Variants in RASA1 observed in about 807,000 individuals in gnomAD.
RASA1 encodes ras GTPase-activating protein 1.
RASA1 carries 25 observed loss-of-function variants against 132.2 expected under a neutral mutation model. That is an observed-to-expected ratio of 0.19 (90% confidence interval 0.14 to 0.26). The LOEUF (loss-of-function observed/expected upper bound fraction) is 0.26, where lower values mean the gene tolerates loss of function less well. Ranked by LOEUF, RASA1 falls within the 10% of genes least tolerant of loss-of-function variation. The pLI, the probability that RASA1 is intolerant of heterozygous loss-of-function variation, is 1.00. For synonymous variants in RASA1, 477 were observed against 449.9 expected (o/e 1.06, Z -0.76); for missense variants, 964 against 1,299.2 (o/e 0.74, Z 3.97).
chr5:87,336,790 T>C (rs1393695224), intron 4 of RASA1, among the ~76,000 whole-genome samples: 1 of 152,112 alleles, frequency 6.6e-6, no homozygotes, highest in Non-Finnish European at 1.5e-5. Context: ...AGGAATAGTT[T>C]AATTGGTTAA....
chr5:87,358,201 C>A (rs1422010254), intron 9 of RASA1, among the ~76,000 whole-genome samples: 2 of 152,172 alleles, frequency 1.3e-5, no homozygotes, highest in East Asian at 3.9e-4. Flanking sequence ...GCTTTGCTTA[C>A]TTCCTGGAAC....
intron 16 of RASA1, 90 bp downstream of exon 16, chr5:87,376,655 T>A (rs1278397721): frequency 7.5e-6 from 11 of 1,468,374 alleles, no homozygotes; most frequent in African/African-American, 7.1e-5. Context: ...AACATAGTAA[T>A]TCATAGCTTA....
intron 1 of RASA1, among the ~76,000 whole-genome samples, chr5:87,296,355 A>G (rs1280330022): frequency 1.3e-5 from 2 of 152,108 alleles, no homozygotes; most frequent in East Asian, 3.9e-4. Flanking sequence ...TTGAACTGTT[A>G]CCTTTTAGCT....
chr5:87,316,108 G>C (rs1271029793), intron 1 of RASA1, among the ~76,000 whole-genome samples: 1 of 152,136 alleles, frequency 6.6e-6, no homozygotes, highest in East Asian at 1.9e-4. Context: ...TTTTGTGCTA[G>C]AATGCTCTGA....
intron 5 of RASA1, among the ~76,000 whole-genome samples, chr5:87,338,536 A>ATATATATATATTTTT: frequency 2.3e-4 from 20 of 85,220 alleles, no homozygotes; most frequent in East Asian, 1.5e-3. Context: ...TATATATAAA[A>ATATATATATATTTTT]TTTTTTTTTT....
chr5:87,359,080 C>T (rs1759875779), intron 9 of RASA1, among the ~76,000 whole-genome samples: 1 of 152,110 alleles, frequency 6.6e-6, no homozygotes, highest in Admixed American at 6.6e-5. Context: ...AATACAAGTT[C>T]CATGAGGATA....
chr5:87,361,133 T>C (rs762880237), intron 9 of RASA1, among the ~76,000 whole-genome samples: 1 of 152,198 alleles, frequency 6.6e-6, no homozygotes, highest in Non-Finnish European at 1.5e-5. Context: ...TTGCAGTTCA[T>C]TTAGTGTGTC....
At chr5:87,356,026 G>T (rs1350881505) in intron 9 of RASA1, among the ~76,000 whole-genome samples, 1 of 152,158 alleles carries the variant, frequency 6.6e-6, no homozygotes, top group East Asian at 1.9e-4. Context: ...AAAGAAAGTG[G>T]TCTCTTGAGA....
At chr5:87,362,753 A>G in intron 10 of RASA1, 82 bp downstream of exon 10, 1 of 1,493,382 alleles carries the variant, frequency 6.7e-7, no homozygotes. Flanking sequence ...ATATATATTT[A>G]ATAAGTTTTG....
intron 1 of RASA1, among the ~76,000 whole-genome samples, chr5:87,320,812 G>A (rs996206002): frequency 2.0e-5 from 3 of 152,236 alleles, no homozygotes; most frequent in Non-Finnish European, 4.4e-5. Context: ...ACTCAACATA[G>A]TGTTTTGACA....
chr5:87,327,526 T>C (rs942202347), intron 1 of RASA1, among the ~76,000 whole-genome samples: 1 of 152,214 alleles, frequency 6.6e-6, no homozygotes, highest in African/African-American at 2.4e-5. Context: ...GGCATTGCCA[T>C]AGATTGGAGG....
At chr5:87,270,070 T>C (rs1753756307) in intron 1 of RASA1, among the ~76,000 whole-genome samples, 2 of 151,748 alleles carry the variant, frequency 1.3e-5, no homozygotes, top group African/African-American at 4.8e-5. Flanking sequence ...GGTGAAACCC[T>C]GTCTCTACTA....
chr5:87,369,767 C>G (rs757576539), intron 11 of RASA1, 46 bp from the exon 12 acceptor site: 1 of 1,356,598 alleles, frequency 7.4e-7, no homozygotes, highest in Non-Finnish European at 1.0e-6. Flanking sequence ...AAATATTTTG[C>G]TACTTTTTAT....
At position 87,390,992 on chromosome 5, in the gene RASA1, T is replaced by A. The variant is rs1342924575; in HGVS notation, c.*109T>A. 4.6e-6 allele frequency: 5 copies of A among 1,090,306 alleles called. No homozygotes were observed. Among genetic ancestry groups the A allele is most frequent in the Non-Finnish European group, 7.0e-6 (5 of 717,162 alleles). 67.5% of individuals were successfully genotyped at this position (1,090,306 alleles called of 1,614,324 possible). A position where few individuals can be genotyped will look rare whatever the true frequency, so the allele number is the denominator to read the frequency against. ...CAAAAAATAGCACACTTTTCCACAT[T>A]CCAGTGATGTGTGAGCTATGCAAAC... On this transcript the variant is annotated 3_prime_UTR_variant, in exon 25 of 25. Transcript: ENST00000274376.
In RASA1 at chr5:87,378,423, C is replaced by G; in HGVS notation, c.2372C>G (p.Thr791Arg). Reference protein sequence around the residue: ...EDEATTLFRATTLASTLMEQY... With the variant: ...EDEATTLFRARTLASTLMEQY... Reference sequence around the variant, plus strand: ...GAAGCCACTACCCTATTTCGAGCCACAACACTTGCAAGCACCTTGATGGAG... The same window carrying G: ...GAAGCCACTACCCTATTTCGAGCCAGAACACTTGCAAGCACCTTGATGGAG... Residue 791 changes from threonine to arginine, a missense_variant, in exon 18 of 25, where the codon ACA (threonine) becomes AGA (arginine). By Grantham distance (71) the Thr-to-Arg change is moderately conservative. Coordinates refer to ENST00000274376, the MANE Select transcript of RASA1 (RefSeq NM_002890.3). 1 of 1,612,838 alleles carries G rather than the reference C, an allele frequency of 6.2e-7. No homozygotes were observed. Among genetic ancestry groups the G allele is most frequent in the Non-Finnish European group, 8.5e-7 (1 of 1,179,180 alleles).
chr5:87,356,380 GTTA>G (rs1759650539), intron 9 of RASA1, among the ~76,000 whole-genome samples: 1 of 148,538 alleles, frequency 6.7e-6, no homozygotes, highest in Non-Finnish European at 1.5e-5. Context: ...CTAGATGATT[GTTA>G]TTTTTTTTTT....
At chr5:87,332,360 G>C in intron 2 of RASA1, 147 bp from the exon 3 acceptor site, 1 of 760,064 alleles carries the variant, frequency 1.3e-6, no homozygotes, top group Non-Finnish European at 2.1e-6. Flanking sequence ...CTGTGATGAA[G>C]ATACTAATAA....
At chr5:87,370,974 A>G (rs772181955) in intron 12 of RASA1, among the ~76,000 whole-genome samples, 44 of 152,286 alleles carry the variant, frequency 2.9e-4, no homozygotes, top group Middle Eastern at 3.4e-3. Flanking sequence ...TTTTACGGCT[A>G]TGTATCCCTA....
intron 11 of RASA1, among the ~76,000 whole-genome samples, chr5:87,367,453 T>G (rs2923742): frequency 6.6e-6 from 1 of 152,146 alleles, no homozygotes; most frequent in Non-Finnish European, 1.5e-5. Flanking sequence ...AGTAGGTGAT[T>G]AGTGCGCATG....
Sources: allele counts gnomAD v4.1 joint callset (sites outside exome capture counted in the v4.1 genomes callset), GRCh38; gene constraint gnomAD v4.1.1; transcripts MANE v1.5; gene names NCBI Gene and HGNC (gene_info 2026-07-23, HGNC 2026-07-21).